Variants in IFTAP observed in about 807,000 individuals in gnomAD.
The protein encoded by IFTAP is intraflagellar transport associated protein.
In IFTAP, 19 loss-of-function variants were observed where a neutral mutation model predicts 19.4. The observed-to-expected ratio is 0.98, with a 90% confidence interval of 0.68 to 1.44. The LOEUF is 1.44. Ranked by LOEUF, IFTAP falls within the 40% of genes most tolerant of loss-of-function variation. The pLI, the probability that IFTAP is intolerant of heterozygous loss-of-function variation, is 0.00. For missense variants in IFTAP, 240 were observed against 253.6 expected (o/e 0.95, Z 0.36); for synonymous variants, 85 against 83.5 (o/e 1.02, Z -0.10).
chr11:36,636,020 G>C, intron 3 of IFTAP, 31 bp from the exon 4 acceptor site: 1 of 1,493,648 alleles, frequency 6.7e-7, no homozygotes, highest in East Asian at 2.3e-5. Flanking sequence ...GGTCTATTCT[G>C]CTTAAAAATT....
At chr11:36,618,906 G>A (rs578045223) in intron 2 of IFTAP, among the ~76,000 whole-genome samples, 2 of 152,042 alleles carry the variant, frequency 1.3e-5, no homozygotes, top group Admixed American at 1.3e-4. Flanking sequence ...CTGGACTAGG[G>A]TAGTTGGGGA....
chr11:36,640,366 T>G (rs1490868661), intron 4 of IFTAP, among the ~76,000 whole-genome samples: 1 of 152,218 alleles, frequency 6.6e-6, no homozygotes, highest in African/African-American at 2.4e-5. Flanking sequence ...GTAGTAAAAA[T>G]TATTAATTTT....
At chr11:36,613,184 T>C (rs16929149) in intron 2 of IFTAP, among the ~76,000 whole-genome samples, 17,243 of 152,046 alleles carry the variant, frequency 0.11, 1,155 homozygotes, top group African/African-American at 0.17. Context: ...GTAAAGACAT[T>C]GTTATGTTGT....
intron 3 of IFTAP, among the ~76,000 whole-genome samples, chr11:36,634,544 A>C (rs186962622): frequency 1.3e-5 from 2 of 152,168 alleles, no homozygotes; most frequent in Admixed American, 1.3e-4. Flanking sequence ...AAGGGCTACA[A>C]GATCAGCTTC....
intron 4 of IFTAP, among the ~76,000 whole-genome samples, chr11:36,644,156 AAAAC>A (rs1220750500): frequency 1.9e-4 from 29 of 152,192 alleles, no homozygotes; most frequent in Admixed American, 5.2e-4. Context: ...TTACAAGAAA[AAAAC>A]AAACAACCCC....
intron 2 of IFTAP, among the ~76,000 whole-genome samples, chr11:36,625,006 G>A (rs1400557163): frequency 2.0e-5 from 3 of 152,074 alleles, no homozygotes; most frequent in African/African-American, 7.2e-5. Context: ...ATAAACCATG[G>A]TTGTATACAT....
At position 36,595,503 on chromosome 11, in the gene IFTAP, A is replaced by G. The variant is rs116482064; in HGVS notation, c.-24+911A>G. 6.2e-3 allele frequency among the ~76,000 whole-genome samples: 948 copies of G among 152,326 alleles called. 11 individuals are homozygous for G. The highest frequency in any genetic ancestry group is 0.022 in the African/African-American group (917 of 41,568). On this transcript the variant is annotated intron_variant, in intron 1 of 5. Transcript: ENST00000334307. ...CAGATTTCTTGACTTTTAAGAGTTA[A>G]TTCTTAATATGCTTCAAAAGCAGTA...
At chr11:36,656,382 C>T (rs971129322) in intron 5 of IFTAP, among the ~76,000 whole-genome samples, 11 of 151,994 alleles carry the variant, frequency 7.2e-5, no homozygotes, top group Non-Finnish European at 1.3e-4. Context: ...CCAGCCTGGC[C>T]GACATGGCGA....
At chr11:36,627,091 C>A (rs114109410) in intron 2 of IFTAP, among the ~76,000 whole-genome samples, 1 of 151,112 alleles carries the variant, frequency 6.6e-6, no homozygotes, top group South Asian at 2.1e-4. Flanking sequence ...CTCAAAAGAC[C>A]ACATATCATA....
chr11:36,645,204 C>T (rs915079280), intron 4 of IFTAP, among the ~76,000 whole-genome samples: 3 of 152,074 alleles, frequency 2.0e-5, no homozygotes, highest in Non-Finnish European at 4.4e-5. Context: ...AGATTGCTCA[C>T]TTTGTACCAG....
intron 2 of IFTAP, among the ~76,000 whole-genome samples, chr11:36,612,592 A>G (rs967191617): frequency 2.0e-5 from 3 of 151,930 alleles, no homozygotes; most frequent in East Asian, 1.9e-4. Context: ...ATTTGTCTCA[A>G]TGTGTTTAGT....
intron 1 of IFTAP, among the ~76,000 whole-genome samples, chr11:36,600,547 T>G (rs2133349492): frequency 6.6e-6 from 1 of 152,280 alleles, no homozygotes; most frequent in African/African-American, 2.4e-5. Flanking sequence ...TCCCCCTCAC[T>G]CTGGTCCATG....
At chr11:36,640,667 G>A (rs11033731) in intron 4 of IFTAP, among the ~76,000 whole-genome samples, 20,608 of 152,118 alleles carry the variant, frequency 0.14, 2,142 homozygotes, top group African/African-American at 0.29. Flanking sequence ...AATTGGCAAT[G>A]GATCAAGCGA....
At chr11:36,627,941 A>T (rs1029455148) in intron 2 of IFTAP, among the ~76,000 whole-genome samples, 2 of 151,306 alleles carry the variant, frequency 1.3e-5, no homozygotes, top group African/African-American at 2.5e-5. Flanking sequence ...CTGGAGAGGA[A>T]ACATAACCAG....
At chr11:36,616,423 C>T (rs949340103) in intron 2 of IFTAP, among the ~76,000 whole-genome samples, 1 of 151,842 alleles carries the variant, frequency 6.6e-6, no homozygotes, top group Non-Finnish European at 1.5e-5. Flanking sequence ...ACTCAACCTC[C>T]CTTTTTCTCT....
At chr11:36,647,676 C>G (rs2133513008) in intron 4 of IFTAP, among the ~76,000 whole-genome samples, 1 of 152,060 alleles carries the variant, frequency 6.6e-6, no homozygotes, top group Admixed American at 6.6e-5. Context: ...GAAAATGAAG[C>G]AAAAGTAACA....
chr11:36,657,609 G>C (rs1369713649), intron 5 of IFTAP, among the ~76,000 whole-genome samples: 1 of 152,150 alleles, frequency 6.6e-6, no homozygotes, highest in Non-Finnish European at 1.5e-5. Flanking sequence ...AGCAGGTGAG[G>C]CTTTATTTGA....
chr11:36,639,231 C>G (rs186696718), intron 4 of IFTAP, among the ~76,000 whole-genome samples: 9 of 150,466 alleles, frequency 6.0e-5, no homozygotes, highest in African/African-American at 2.2e-4. Flanking sequence ...CTTTTCTGGT[C>G]AAGTGCAAGT....
In IFTAP at chr11:36,610,110, G is replaced by A. The variant is rs781404218; in HGVS notation, c.7G>A (p.Ala3Thr). 2 of 1,612,900 alleles carry A rather than the reference G, an allele frequency of 1.2e-6. No individual in the cohort carries two copies. The highest frequency in any genetic ancestry group is 1.7e-4 in the Middle Eastern group (1 of 6,054). Reference protein sequence around the residue: MSAHMSGLEIMDE... With the variant: MSTHMSGLEIMDE... ...TGTGGCCTCATGAATAGGAATGTCTGCCCATATGTCAGGATTGGAAATAAT... is the reference window on the plus strand; with the variant it reads ...TGTGGCCTCATGAATAGGAATGTCTACCCATATGTCAGGATTGGAAATAAT... The change falls in exon 2 of 6, where the codon GCC becomes ACC. Residue 3 changes from alanine to threonine, a missense_variant. Ala to Thr is a moderately conservative substitution (Grantham distance 58). Transcript: ENST00000334307.
Sources: gnomAD v4.1 joint callset for allele counts (sites outside exome capture counted in the v4.1 genomes callset) on GRCh38, gnomAD v4.1.1 for gene constraint, MANE v1.5 for transcripts, NCBI Gene and HGNC (gene_info 2026-07-23, HGNC 2026-07-21) for gene names.